Variants in SORCS1 observed in about 807,000 individuals in gnomAD.
SORCS1 encodes VPS10 domain-containing receptor SorCS1.
In SORCS1, 60 loss-of-function variants were observed where a neutral mutation model predicts 146.1. That is an observed-to-expected ratio of 0.41 (90% CI 0.33 to 0.51). The LOEUF is 0.51. Among genes scored for constraint, SORCS1 ranks in the 20% least tolerant of loss-of-function variants. SORCS1 has a pLI of 0.21. For missense variants in SORCS1, 1,352 were observed against 1,487.6 expected (o/e 0.91, Z 1.50); for synonymous variants, 637 against 584.0 (o/e 1.09, Z -1.31).
In SORCS1 at chr10:106,829,681, C is replaced by A. The variant is rs1948455611; in HGVS notation, c.627-8G>T. 2 of 1,596,238 alleles carry A rather than the reference C, an allele frequency of 1.3e-6. No individual in the cohort carries two copies. The highest frequency in any genetic ancestry group is 1.7e-6 in the Non-Finnish European group (2 of 1,165,464). Reference sequence around the variant, plus strand: ...GTTCCATAATCGGTTGACCTATAATCCAAAAAGAGCATTAATGAGGACAGA... The same window carrying A: ...GTTCCATAATCGGTTGACCTATAATACAAAAAGAGCATTAATGAGGACAGA... On this transcript the variant is annotated splice_polypyrimidine_tract_variant and splice_region_variant and intron_variant, in intron 2 of 25. Coordinates refer to ENST00000263054, the MANE Select transcript of SORCS1 (RefSeq NM_052918.5).
chr10:106,745,042 T>C (rs1219964856), intron 5 of SORCS1, among the ~76,000 whole-genome samples: 1 of 151,590 alleles, frequency 6.6e-6, no homozygotes, highest in Non-Finnish European at 1.5e-5. Context: ...TTGCCCTTAA[T>C]TAGTAGGTCA....
At chr10:107,048,882 T>C (rs895998587) in intron 1 of SORCS1, among the ~76,000 whole-genome samples, 2 of 152,154 alleles carry the variant, frequency 1.3e-5, no homozygotes, top group African/African-American at 4.8e-5. Context: ...GCGGTAAATT[T>C]GTGTTTCAGA....
At chr10:106,918,878 T>C (rs1952571267) in intron 2 of SORCS1, among the ~76,000 whole-genome samples, 1 of 152,152 alleles carries the variant, frequency 6.6e-6, no homozygotes, top group Non-Finnish European at 1.5e-5. Flanking sequence ...ATTCTGTTGC[T>C]CAGGCTGGAG....
At chr10:106,706,655 T>A (rs751931933) in intron 7 of SORCS1, 21 bp from the exon 8 acceptor site, 8 of 1,611,922 alleles carry the variant, frequency 5.0e-6, no homozygotes, top group Non-Finnish European at 5.9e-6. Flanking sequence ...AAAACAAGAC[T>A]GTAAGAAGCT....
intron 3 of SORCS1, among the ~76,000 whole-genome samples, chr10:106,822,782 G>GTTTTTT (rs1158921880): frequency 3.3e-4 from 37 of 113,148 alleles, no homozygotes; most frequent in African/African-American, 1.3e-3. Context: ...TTCATGTGTG[G>GTTTTTT]TTTTTTTTTT....
At chr10:107,165,263 A>G (rs1970012757), upstream of SORCS1, among the ~76,000 whole-genome samples, 1 of 148,294 alleles carries the variant, frequency 6.7e-6, no homozygotes, top group Admixed American at 6.7e-5. This position sits in a 1 kb window ranked among gnomAD's most constrained non-coding sequence, Gnocchi z 4.0. Context: ...AGCAGCAGAG[A>G]GTGATGTAAT....
rs1368730165 is a variant in SORCS1 at position 106,745,497 on chromosome 10, C to T, written c.960-15383G>A. ...TTGAGCTTATTCACCTTCATTAGCA[C>T]ACTACAGTAATAATTGCTGTAGGCA... is the stretch of plus-strand genomic sequence containing the variant. On this transcript the variant is annotated intron_variant, in intron 5 of 25. Coordinates refer to ENST00000263054, the MANE Select transcript of SORCS1 (RefSeq NM_052918.5). 3.3e-5 allele frequency among the ~76,000 whole-genome samples: 5 copies of T among 152,110 alleles called. No homozygotes were observed. In the East Asian group the frequency reaches 7.7e-4, roughly 24 times the overall value.
chr10:107,018,443 C>T (rs1038485082), intron 1 of SORCS1, among the ~76,000 whole-genome samples: 1 of 152,006 alleles, frequency 6.6e-6, no homozygotes, highest in African/African-American at 2.4e-5. Flanking sequence ...GCCTTGGCCT[C>T]CCAAAGTGCT....
At chr10:107,176,985 C>A in the SORCS1 span, among the ~76,000 whole-genome samples, 1 of 151,786 alleles carries the variant, frequency 6.6e-6, no homozygotes, top group Admixed American at 6.6e-5. Flanking sequence ...TGTGTTTCTC[C>A]TTGATTTGTT....
chr10:106,968,550 C>T (rs931805645), intron 1 of SORCS1, among the ~76,000 whole-genome samples: 1 of 152,190 alleles, frequency 6.6e-6, no homozygotes, highest in African/African-American at 2.4e-5. Flanking sequence ...ATTTCCACTT[C>T]GCCATCTTGT....
At chr10:106,769,849 C>A (rs893123355) in intron 4 of SORCS1, among the ~76,000 whole-genome samples, 2 of 152,156 alleles carry the variant, frequency 1.3e-5, no homozygotes, top group Non-Finnish European at 2.9e-5. Flanking sequence ...AATCCCAGCA[C>A]TTTCAGAGGC....
intron 1 of SORCS1, among the ~76,000 whole-genome samples, chr10:107,081,895 C>A (rs185188433): frequency 6.6e-6 from 1 of 152,084 alleles, no homozygotes; most frequent in Non-Finnish European, 1.5e-5. Flanking sequence ...CGGGAAAGTG[C>A]TAGAAAAATT....
intron 1 of SORCS1, among the ~76,000 whole-genome samples, chr10:106,979,300 C>T (rs1956158675): frequency 6.6e-6 from 1 of 151,974 alleles, no homozygotes; most frequent in Admixed American, 6.6e-5. Flanking sequence ...GTTTGTAAGA[C>T]AGTAATTAAA....
chr10:107,169,542 T>C (rs943265560), upstream of SORCS1, among the ~76,000 whole-genome samples: 46 of 152,306 alleles, frequency 3.0e-4, 1 homozygote, highest in South Asian at 1.7e-3. Context: ...ATAAGGATGT[T>C]ATGAAAGTTA....
intron 2 of SORCS1, among the ~76,000 whole-genome samples, chr10:106,831,754 CA>C (rs570010677): frequency 4.0e-4 from 61 of 152,132 alleles, no homozygotes; most frequent in Middle Eastern, 6.8e-3. Flanking sequence ...AGATGGCAAA[CA>C]GAAAACGGTC....
At chr10:106,594,231 T>C (rs1166098130) in intron 24 of SORCS1, among the ~76,000 whole-genome samples, 1 of 152,234 alleles carries the variant, frequency 6.6e-6, no homozygotes, top group Non-Finnish European at 1.5e-5. Context: ...AAAGTTTCCT[T>C]AAGTAACATT....
chr10:106,738,144 C>T (rs1857098062), intron 5 of SORCS1, among the ~76,000 whole-genome samples: 1 of 152,128 alleles, frequency 6.6e-6, no homozygotes, highest in African/African-American at 2.4e-5. Context: ...ATTAAAAATT[C>T]ATAATTGTAG....
At chr10:106,637,053 G>T (rs7906440) in intron 18 of SORCS1, among the ~76,000 whole-genome samples, 34,484 of 152,044 alleles carry the variant, frequency 0.23, 4,832 homozygotes, top group East Asian at 0.51. Context: ...CTACAAAATG[G>T]GTTTGTGAGG....
chr10:106,634,098 G>A (rs1490573999), intron 18 of SORCS1, among the ~76,000 whole-genome samples: 1 of 152,176 alleles, frequency 6.6e-6, no homozygotes, highest in Admixed American at 6.5e-5. Context: ...AATAAGGCTG[G>A]GAATGGAAAG....
Sources: allele counts gnomAD v4.1 joint callset (sites outside exome capture counted in the v4.1 genomes callset), GRCh38; gene constraint gnomAD v4.1.1; non-coding constraint Gnocchi (gnomAD v3.1); transcripts MANE v1.5; gene names NCBI Gene and HGNC (gene_info 2026-07-23, HGNC 2026-07-21).